The following NCKAP1 variants were observed in gnomAD, a reference collection of about 807,000 sequenced individuals.
The protein encoded by NCKAP1 is NCK associated protein 1.
Under a neutral mutation model 151.2 loss-of-function variants are expected in NCKAP1, and 21 were observed. That is an observed-to-expected ratio of 0.14 (90% CI 0.10 to 0.20). NCKAP1 has a LOEUF of 0.20. Among genes scored for constraint, NCKAP1 ranks in the 10% least tolerant of loss-of-function variants. The pLI is 1.00. For synonymous variants in NCKAP1, 484 were observed against 451.8 expected, an observed-to-expected ratio of 1.07 and a Z score of -0.90; for missense variants, 933 against 1,352.1, an observed-to-expected ratio of 0.69 and a Z score of 4.86.
intron 2 of NCKAP1, among the ~76,000 whole-genome samples, chr2:183,015,893 A>G (rs1249229919): frequency 1.3e-5 from 2 of 151,904 alleles, no homozygotes; most frequent in Non-Finnish European, 2.9e-5. Flanking sequence ...AAAAAAAACT[A>G]TATTAAAGTT....
At chr2:183,037,475 T>A (rs891334214) in intron 1 of NCKAP1, among the ~76,000 whole-genome samples, 1 of 151,914 alleles carries the variant, frequency 6.6e-6, no homozygotes, top group Admixed American at 6.5e-5. Context: ...TAAAATAAAG[T>A]GGCAAAGTGG....
intron 2 of NCKAP1, among the ~76,000 whole-genome samples, chr2:183,017,886 T>C (rs1407003142): frequency 2.6e-5 from 4 of 152,184 alleles, no homozygotes; most frequent in East Asian, 3.9e-4. Flanking sequence ...TGTCACACAC[T>C]GTACTAAGTG....
intron 15 of NCKAP1, among the ~76,000 whole-genome samples, chr2:182,970,803 C>T (rs1697671354): frequency 1.3e-5 from 2 of 152,076 alleles, no homozygotes; most frequent in Admixed American, 1.3e-4. Flanking sequence ...GGCATGCAAA[C>T]TTGAAAAGAA....
chr2:183,024,891 G>A, intron 1 of NCKAP1: 1 of 1,453,870 alleles, frequency 6.9e-7, no homozygotes, highest in East Asian at 2.4e-5. Flanking sequence ...TGGCTATGTT[G>A]TGGATTGCAG....
chr2:182,977,033 C>T lies in NCKAP1; in HGVS notation c.1424-82G>A, dbSNP rs943923520. 1.4e-5 allele frequency: 13 copies of T among 933,644 alleles called. No individual in the cohort carries two copies. The African/African-American group carries it at 1.7e-4, about 12-fold the overall frequency. The allele number at this position is 933,644 out of a possible 1,614,324, so 57.8% of individuals were successfully genotyped here. A position where few individuals can be genotyped will look rare whatever the true frequency, so the allele number is the denominator to read the frequency against. On this transcript the variant is annotated intron_variant, in intron 14 of 30. Coordinates refer to ENST00000361354, the MANE Select transcript of NCKAP1 (RefSeq NM_013436.5). ...ATAAGCACATTTTAAATTTTAAGAG[C>T]TAAGACAATTCTACTTCTGAGTATA...
chr2:183,020,464 CA>C (rs1179083096), intron 2 of NCKAP1, among the ~76,000 whole-genome samples: 274 of 71,574 alleles, frequency 3.8e-3, no homozygotes, highest in African/African-American at 7.4e-3. Context: ...GACCGTGTCC[CA>C]AAAAAAAAAA....
At chr2:183,010,584 G>T (rs937602128) in intron 2 of NCKAP1, among the ~76,000 whole-genome samples, 1 of 152,186 alleles carries the variant, frequency 6.6e-6, no homozygotes, top group East Asian at 1.9e-4. Context: ...CAGCAATATA[G>T]ATTAAAATAA....
intron 19 of NCKAP1, 42 bp from the exon 20 acceptor site, chr2:182,956,635 C>G: frequency 6.4e-7 from 1 of 1,553,302 alleles, no homozygotes. Context: ...CACATGTCAT[C>G]ACAGGCAATA....
chr2:182,984,825 T>TA (rs1317372027), intron 10 of NCKAP1, among the ~76,000 whole-genome samples: 2 of 152,196 alleles, frequency 1.3e-5, no homozygotes, highest in Non-Finnish European at 2.9e-5. Context: ...AAAATGTCTA[T>TA]AAAGTACTTG....
In NCKAP1 at chr2:182,967,714, G is replaced by A. The variant is rs181714711; in HGVS notation, c.1483-353C>T. ...TAATTTAAGAGACAAAACACACACAGGAAGCAATCAGATAAAACTAAGTAC... is the reference window on the plus strand; with the variant it reads ...TAATTTAAGAGACAAAACACACACAAGAAGCAATCAGATAAAACTAAGTAC... On this transcript the variant is annotated intron_variant, in intron 15 of 30. Transcript: ENST00000361354. 5.7e-4 allele frequency among the ~76,000 whole-genome samples: 86 copies of A among 152,174 alleles called. 1 individual carries two copies. Among genetic ancestry groups the A allele is most frequent in the Middle Eastern group, 3.4e-3 (1 of 294 alleles).
intron 15 of NCKAP1, among the ~76,000 whole-genome samples, chr2:182,975,082 A>T (rs1697778109): frequency 6.6e-6 from 1 of 152,200 alleles, no homozygotes; most frequent in African/African-American, 2.4e-5. Flanking sequence ...AGGAGATTGA[A>T]GCAGTTCAAG....
rs115779456 is a variant in NCKAP1, at chr2:182,967,748, T to C, written c.1483-387A>G. Among the ~76,000 whole-genome samples, 304 of 152,330 alleles carry C rather than the reference T, an allele frequency of 2.0e-3. 1 individual carries two copies. The highest frequency in any genetic ancestry group is 7.0e-3 in the African/African-American group (291 of 41,582). On this transcript the variant is annotated intron_variant, in intron 15 of 30. Coordinates refer to ENST00000361354, the MANE Select transcript of NCKAP1 (RefSeq NM_013436.5). ...CAGATAAAACTAAGTACTGCACATGTTGATTCAATGAGGTTTTAGAGTATA... is the reference window on the plus strand; with the variant it reads ...CAGATAAAACTAAGTACTGCACATGCTGATTCAATGAGGTTTTAGAGTATA...
At chr2:182,996,377 C>T (rs1698269016) in intron 6 of NCKAP1, among the ~76,000 whole-genome samples, 1 of 152,096 alleles carries the variant, frequency 6.6e-6, no homozygotes, top group African/African-American at 2.4e-5. Flanking sequence ...AGGTATTTAA[C>T]GTTTCATCTC....
chr2:182,983,381 C>T lies in NCKAP1; in HGVS notation c.1006G>A (p.Gly336Ser). 6.2e-7 allele frequency: 1 copy of T among 1,601,482 alleles called. No homozygotes were observed. The highest frequency in any genetic ancestry group is 8.6e-7 in the Non-Finnish European group (1 of 1,169,408). The change falls in exon 11 of 31, where the codon GGT becomes AGT. Residue 336 changes from glycine to serine, a missense_variant and splice_region_variant. This residue lies in a region of NCKAP1 where 607 missense variants were observed against 795.0 expected (regional missense o/e 0.76). Transcript: ENST00000361354. Reference sequence around the variant, plus strand: ...TTGCGTCTTTCTCTGTGCATTGAACCACTATGGGGAAAGACACCATAATAG... The same window carrying T: ...TTGCGTCTTTCTCTGTGCATTGAACTACTATGGGGAAAGACACCATAATAG... ...ECKEAAVSHA[G>S]SMHRERRKFL...
intron 10 of NCKAP1, among the ~76,000 whole-genome samples, chr2:182,984,369 C>T (rs1363196246): frequency 6.9e-6 from 1 of 144,770 alleles, no homozygotes; most frequent in East Asian, 1.9e-4. Flanking sequence ...CAAGCAACTC[C>T]TCATACTACA....
intron 2 of NCKAP1, among the ~76,000 whole-genome samples, chr2:183,013,760 T>C (rs1698632964): frequency 6.6e-6 from 1 of 152,192 alleles, no homozygotes; most frequent in African/African-American, 2.4e-5. Context: ...CCCTATATGA[T>C]CTGCCTATTC....
chr2:182,931,707 T>C (rs780493656), intron 26 of NCKAP1, among the ~76,000 whole-genome samples: 3 of 152,100 alleles, frequency 2.0e-5, no homozygotes, highest in African/African-American at 4.8e-5. Context: ...CATCAACCTA[T>C]AGAATTAGAG....
At chr2:182,991,100 C>A (rs1698162022) in intron 8 of NCKAP1, among the ~76,000 whole-genome samples, 1 of 152,176 alleles carries the variant, frequency 6.6e-6, no homozygotes. Flanking sequence ...TGTCTTACAC[C>A]TTTGTACGTT....
chr2:183,015,978 G>A (rs973720158), intron 2 of NCKAP1, among the ~76,000 whole-genome samples: 17 of 151,972 alleles, frequency 1.1e-4, no homozygotes, highest in Admixed American at 8.5e-4. Flanking sequence ...GGGAAGTAAG[G>A]GGAAGTAAAT....
Sources: allele counts gnomAD v4.1 joint callset (sites outside exome capture counted in the v4.1 genomes callset), GRCh38; gene constraint gnomAD v4.1.1; regional missense constraint gnomAD v4.1.1; transcripts MANE v1.5; gene names NCBI Gene and HGNC (gene_info 2026-07-23, HGNC 2026-07-21).